BRF1: variants seen among roughly 807,000 people sequenced by gnomAD.
BRF1 encodes BRF1 general transcription factor IIIB subunit.
A neutral mutation model predicts 81.7 loss-of-function variants in BRF1; 59 were observed. The observed-to-expected ratio is 0.72, with a 90% CI of 0.59 to 0.90. The LOEUF is 0.90. Among genes scored for constraint, BRF1 ranks in the 40% least tolerant of loss-of-function variants. The probability of loss-of-function intolerance (pLI) is 0.00; values close to 1 mark genes in which losing one functional copy is unlikely to be tolerated. For missense variants in BRF1, 1,050 were observed against 936.3 expected (o/e 1.12, Z -1.58); for synonymous variants, 491 against 395.6 (o/e 1.24, Z -2.86).
chr14:105,282,205 G>A (rs1279736284), intron 2 of BRF1, among the ~76,000 whole-genome samples: 1 of 152,188 alleles, frequency 6.6e-6, no homozygotes, highest in Non-Finnish European at 1.5e-5. Flanking sequence ...GAAGGGGCAG[G>A]AGTTTCTCTC....
rs1328807606 is a variant in BRF1, at chr14:105,315,158, G to C, written c.-162+164C>G. On this transcript the variant is annotated intron_variant, in intron 1 of 17. Transcript: ENST00000327359. The surrounding 1 kb of genome is among the most constrained non-coding windows in gnomAD (Gnocchi z 4.4). Reference sequence around the variant, plus strand: ...CAGCGGAGCCCAGGTCGCCCCCCGCGCCCCCGCCCGCCGGTTCGACGCGTG... The same window carrying C: ...CAGCGGAGCCCAGGTCGCCCCCCGCCCCCCCGCCCGCCGGTTCGACGCGTG... 1 of 505,464 alleles carries C rather than the reference G, an allele frequency of 2.0e-6. No homozygotes were observed. The highest frequency in any genetic ancestry group is 1.1e-4 in the East Asian group (1 of 8,990). The allele number at this position is 505,464 out of a possible 1,614,324, so 31.3% of individuals were successfully genotyped here. A position where few individuals can be genotyped will look rare whatever the true frequency, so the allele number is the denominator to read the frequency against.
chr14:105,279,124 G>C (rs1456847931), intron 2 of BRF1, among the ~76,000 whole-genome samples: 1 of 152,076 alleles, frequency 6.6e-6, no homozygotes, highest in Non-Finnish European at 1.5e-5. Context: ...TGAGAGGGCG[G>C]CTTTAGTCTG....
At chr14:105,220,267 G>T in intron 11 of BRF1, 137 bp from the exon 12 acceptor site, 1 of 891,252 alleles carries the variant, frequency 1.1e-6, no homozygotes, top group Non-Finnish European at 1.8e-6. Flanking sequence ...TGCACTGGTG[G>T]GTCGCGCCCT....
At chr14:105,213,814 G>C (rs188409167) in intron 15 of BRF1, among the ~76,000 whole-genome samples, 8 of 152,330 alleles carry the variant, frequency 5.3e-5, no homozygotes, top group African/African-American at 1.4e-4. Context: ...AGGGTGCGTA[G>C]TGTTCATGAG....
In BRF1 at chr14:105,211,116, A is replaced by AC. The variant is rs1393362701; in HGVS notation, c.1996+5dup. 1.9e-6 allele frequency: 3 copies of AC among 1,611,884 alleles called. No homozygotes were observed. Among genetic ancestry groups the AC allele is most frequent in the Non-Finnish European group, 2.5e-6 (3 of 1,179,850 alleles). ...GAACCCCTCCCTGTTGTCGGGCCCCACCCACCGTTGCTGCCCATCATCTGC... is the reference window on the plus strand; with the variant it reads ...GAACCCCTCCCTGTTGTCGGGCCCCACCCCACCGTTGCTGCCCATCATCTGC... On this transcript the variant is annotated splice_donor_region_variant and intron_variant, in intron 17 of 17. Coordinates refer to ENST00000547530, the MANE Select transcript of BRF1 (RefSeq NM_001519.4).
At chr14:105,228,978 C>T (rs995650502) in intron 6 of BRF1, 65 bp from the exon 7 acceptor site, 11 of 1,450,202 alleles carry the variant, frequency 7.6e-6, no homozygotes, top group African/African-American at 5.6e-5. Flanking sequence ...CTGTGGCGGC[C>T]CAGGACAACA....
Position 105,209,865 on chromosome 14 carries a change from C to A in BRF1, c.*686G>T. ...GCCCACAACTCAAGTGGCCCTGGAG[C>A]AGGGGTCTGACCCCCATGCTGCTCC... On this transcript the variant is annotated 3_prime_UTR_variant, in exon 18 of 18. Coordinates refer to ENST00000547530, the MANE Select transcript of BRF1 (RefSeq NM_001519.4). 2 of 477,920 alleles carry A rather than the reference C, an allele frequency of 4.2e-6. No individual in the cohort carries two copies. Among genetic ancestry groups the A allele is most frequent in the Non-Finnish European group, 7.3e-6 (2 of 272,492 alleles). The allele number at this position is 477,920 out of a possible 1,614,324, so 29.6% of individuals were successfully genotyped here.
chr14:105,250,493 G>A, intron 5 of BRF1: 2 of 1,614,048 alleles, frequency 1.2e-6, no homozygotes, highest in Non-Finnish European at 1.7e-6. Context: ...GGTTGAACAA[G>A]ACACCTTCTA....
chr14:105,304,958 G>A (rs750182146), upstream of BRF1, among the ~76,000 whole-genome samples: 16 of 152,250 alleles, frequency 1.1e-4, no homozygotes, highest in Non-Finnish European at 2.2e-4. Context: ...AGATCTGGGT[G>A]GGTACACAGA....
intron 2 of BRF1, among the ~76,000 whole-genome samples, chr14:105,280,769 C>A (rs1272170974): frequency 6.7e-6 from 1 of 148,880 alleles, no homozygotes; most frequent in Non-Finnish European, 1.5e-5. Flanking sequence ...ATATAGCCCA[C>A]GTGACCCTGA....
At chr14:105,241,441 C>T (rs1357349465) in intron 5 of BRF1, 27 bp from the exon 6 acceptor site, 1 of 1,607,830 alleles carries the variant, frequency 6.2e-7, no homozygotes, top group Non-Finnish European at 8.5e-7. Context: ...ACCTCAGTGC[C>T]CACCTCCATG....
intron 1 of BRF1, among the ~76,000 whole-genome samples, chr14:105,296,014 G>C (rs1292912201): frequency 2.0e-5 from 3 of 149,160 alleles, no homozygotes; most frequent in African/African-American, 7.5e-5. Flanking sequence ...CCAGGAGGGG[G>C]AGGTTGCAGT....
chr14:105,224,996 C>T (rs1892862154), intron 10 of BRF1, among the ~76,000 whole-genome samples: 1 of 152,234 alleles, frequency 6.6e-6, no homozygotes, highest in South Asian at 2.1e-4. Context: ...GGACGATGAC[C>T]TCTGGACAGA....
intron 3 of BRF1, among the ~76,000 whole-genome samples, chr14:105,259,248 G>A (rs1050253003): frequency 2.0e-5 from 3 of 151,810 alleles, no homozygotes; most frequent in South Asian, 2.1e-4. Flanking sequence ...GTTCAAGACC[G>A]GCCTGGGCAA....
chr14:105,218,372 G>C (rs1468748857), intron 14 of BRF1, among the ~76,000 whole-genome samples: 1 of 152,150 alleles, frequency 6.6e-6, no homozygotes, highest in Non-Finnish European at 1.5e-5. Context: ...CGTGCTGCTG[G>C]GTGGGGTGGA....
rs1000259947 is a variant in BRF1 at position 105,268,929 on chromosome 14, T to C, written c.439+3792A>G. ...TGCACACACCCTCTCCTGGGTGGAT[T>C]TTCTGTGGAAGGGAAGTGGGTGGAG... On this transcript the variant is annotated intron_variant, in intron 3 of 17. Coordinates refer to ENST00000547530, the MANE Select transcript of BRF1 (RefSeq NM_001519.4). Among the ~76,000 whole-genome samples the C allele has an allele frequency of 2.0e-4, 30 of 152,220 alleles. 1 individual carries two copies. The highest frequency in any genetic ancestry group is 1.6e-3 in the Admixed American group (24 of 15,300).
chr14:105,294,930 C>T (rs754173517), intron 1 of BRF1, among the ~76,000 whole-genome samples: 1 of 152,116 alleles, frequency 6.6e-6, no homozygotes, highest in Non-Finnish European at 1.5e-5. Flanking sequence ...TGAAAGAAGC[C>T]GAAACCACAG....
chr14:105,296,910 C>T lies in BRF1; in HGVS notation c.184+3536G>A, dbSNP rs974950645. ...GCAGCTCATGCCTATAATTCCAGCA[C>T]TTTGAGAGGCTGAAGTGGGGGGGGA... On this transcript the variant is annotated intron_variant, in intron 1 of 17. Coordinates refer to ENST00000547530, the MANE Select transcript of BRF1 (RefSeq NM_001519.4). 2.6e-5 allele frequency among the ~76,000 whole-genome samples: 4 copies of T among 152,234 alleles called. No homozygotes were observed. The East Asian group carries it at 7.7e-4, about 29-fold the overall frequency.
Position 105,315,415 on chromosome 14 carries a change from T to C in BRF1, c.-255A>G. On this transcript the variant is annotated 5_prime_UTR_variant, in exon 1 of 18. Transcript: ENST00000327359. This position sits in a 1 kb window ranked among gnomAD's most constrained non-coding sequence, Gnocchi z 4.4. ...CCTCTCTCGGGTACCACACGCTTCC[T>C]TTCGCGTTCGGCGACACTGTCAGAC... 6.6e-6 allele frequency: 1 copy of C among 152,240 alleles called. No individual in the cohort carries two copies. The highest frequency in any genetic ancestry group is 1.9e-4 in the East Asian group (1 of 5,192). The allele number at this position is 152,240 out of a possible 1,614,324, so 9.4% of individuals were successfully genotyped here. A position where few individuals can be genotyped will look rare whatever the true frequency, so the allele number is the denominator to read the frequency against.
Sources: gnomAD v4.1 joint callset for allele counts (sites outside exome capture counted in the v4.1 genomes callset) on GRCh38, gnomAD v4.1.1 for gene constraint, Gnocchi (gnomAD v3.1) non-coding constraint, MANE v1.5 for transcripts, NCBI Gene and HGNC (gene_info 2026-07-23, HGNC 2026-07-21) for gene names.